The following EHMT1 variants were observed in gnomAD, a reference collection of about 807,000 sequenced individuals.
EHMT1 encodes the protein histone-lysine N-methyltransferase EHMT1.
Under a neutral mutation model 147.2 loss-of-function variants are expected in EHMT1, and 15 were observed. The ratio of observed to expected loss-of-function variants is 0.10; its 90% CI spans 0.07 to 0.16. EHMT1 has a LOEUF of 0.16. Among genes scored for constraint, EHMT1 ranks in the 10% least tolerant of loss-of-function variants. EHMT1 has a pLI of 1.00. For synonymous variants in EHMT1, 795 were observed against 709.6 expected, an observed-to-expected ratio of 1.12 and a Z score of -1.91; for missense variants, 1,587 against 1,772.4, an observed-to-expected ratio of 0.90 and a Z score of 1.88.
At chr9:137,674,964 G>A (rs988570174) in intron 1 of EHMT1, 3 of 152,162 alleles carry the variant, frequency 2.0e-5, no homozygotes, top group Non-Finnish European at 2.9e-5. Flanking sequence ...TTCTGTAAAG[G>A]ACCAGGTATG....
chr9:137,725,748 A>G lies in EHMT1; in HGVS notation c.643-2601A>G, dbSNP rs545460840. Among the ~76,000 whole-genome samples, 44 of 152,214 alleles carry G rather than the reference A, an allele frequency of 2.9e-4. No homozygotes were observed. The South Asian group carries it at 5.4e-3, about 19-fold the overall frequency. ...GAGGGAGGGAAACAGACACAGACAG[A>G]GTGCGCCTGTGAGACAGAGAGAGGT... is the stretch of plus-strand genomic sequence containing the variant. On this transcript the variant is annotated intron_variant, in intron 3 of 26. Transcript: ENST00000460843.
At chr9:137,722,556 G>A (rs996456146) in intron 3 of EHMT1, among the ~76,000 whole-genome samples, 2 of 152,218 alleles carry the variant, frequency 1.3e-5, no homozygotes, top group Non-Finnish European at 2.9e-5. Flanking sequence ...TGTGTGTGTG[G>A]GCCCCACGGA....
intron 10 of EHMT1, chr9:137,763,276 T>G: frequency 3.5e-6 from 1 of 285,278 alleles, no homozygotes; most frequent in Non-Finnish European, 6.7e-6. Context: ...GTTCAGCACG[T>G]CCCGTCTCTG....
chr9:137,659,461 A>C (rs1257947140), intron 1 of EHMT1, among the ~76,000 whole-genome samples: 2 of 151,626 alleles, frequency 1.3e-5, no homozygotes, highest in Non-Finnish European at 2.9e-5. Flanking sequence ...CCCAGGCTGG[A>C]CTTGAACTCT....
intron 3 of EHMT1, 82 bp from the exon 4 acceptor site, chr9:137,728,264 GAGA>G: frequency 1.3e-6 from 2 of 1,566,480 alleles, no homozygotes; most frequent in African/African-American, 1.3e-5. Context: ...AATTATCGGG[GAGA>G]AGAACTGTGA....
chr9:137,797,496 G>A (rs1404332931), intron 16 of EHMT1, among the ~76,000 whole-genome samples: 1 of 152,162 alleles, frequency 6.6e-6, no homozygotes, highest in Non-Finnish European at 1.5e-5. Flanking sequence ...ACCTGCTTCT[G>A]TCCTGAATTC....
chr9:137,733,250 T>C (rs896872662), intron 4 of EHMT1, among the ~76,000 whole-genome samples: 6 of 152,268 alleles, frequency 3.9e-5, no homozygotes, highest in African/African-American at 9.6e-5. Flanking sequence ...AGCATTGTTT[T>C]AGGTGAGCAT....
At chr9:137,718,145 C>T (rs750602648) in intron 3 of EHMT1, among the ~76,000 whole-genome samples, 6 of 151,320 alleles carry the variant, frequency 4.0e-5, no homozygotes, top group Non-Finnish European at 7.4e-5. Flanking sequence ...GCGCCTGCCC[C>T]TCACACGCAC....
chr9:137,818,417 A>G (rs1454538072), intron 25 of EHMT1, among the ~76,000 whole-genome samples: 3 of 152,144 alleles, frequency 2.0e-5, no homozygotes, highest in African/African-American at 4.8e-5. Flanking sequence ...CAGTCCTCCA[A>G]ACCACAACTG....
intron 1 of EHMT1, among the ~76,000 whole-genome samples, chr9:137,683,291 A>G (rs778420552): frequency 2.6e-5 from 4 of 152,358 alleles, no homozygotes; most frequent in South Asian, 2.1e-4. Flanking sequence ...CGGATCTGCT[A>G]TTTGGTGCTA....
chr9:137,784,210 ATGCTCCAGCACAGCC>A, intron 15 of EHMT1: 1 of 1,549,738 alleles, frequency 6.5e-7, no homozygotes, highest in South Asian at 1.2e-5. Context: ...CAAGAGGAAG[ATGCTCCAGCACAGCC>A]TTGCTGTGGA....
chr9:137,716,888 G>A lies in EHMT1; in HGVS notation c.348G>A (p.Gln116=). The A allele has an allele frequency of 6.2e-7, 1 of 1,613,222 alleles. No individual in the cohort carries two copies. The highest frequency in any genetic ancestry group is 8.5e-7 in the Non-Finnish European group (1 of 1,179,898). Residue 116 remains glutamine, a synonymous_variant, in exon 3 of 27, where the codon CAG becomes CAA. Transcript: ENST00000460843. Reference sequence around the variant, plus strand: ...ACGTCACTGCCGACGACTTTGTGCAGACTTCTGTCATCGGCAGCAACGGAT... The same window carrying A: ...ACGTCACTGCCGACGACTTTGTGCAAACTTCTGTCATCGGCAGCAACGGAT... ...QNHVTADDFV[Q]TSVIGSNGYI...
intron 16 of EHMT1, among the ~76,000 whole-genome samples, chr9:137,791,425 A>T (rs1297702828): frequency 2.0e-5 from 3 of 152,236 alleles, no homozygotes; most frequent in African/African-American, 7.2e-5. Flanking sequence ...AGGATAAAAA[A>T]TTAACACAAA....
intron 18 of EHMT1, among the ~76,000 whole-genome samples, chr9:137,810,004 C>T (rs1245640573): frequency 9.3e-6 from 1 of 107,894 alleles, no homozygotes; most frequent in Non-Finnish European, 1.7e-5. Flanking sequence ...GATGCTGCCC[C>T]TCGTGGACTG....
At chr9:137,808,538 G>C (rs1159411271) in intron 18 of EHMT1, among the ~76,000 whole-genome samples, 1 of 152,166 alleles carries the variant, frequency 6.6e-6, no homozygotes, top group Non-Finnish European at 1.5e-5. Flanking sequence ...TGTTTCAGGA[G>C]TGCGGTTGCT....
chr9:137,733,606 C>G (rs1431805919), intron 4 of EHMT1, among the ~76,000 whole-genome samples: 1 of 152,232 alleles, frequency 6.6e-6, no homozygotes, highest in Non-Finnish European at 1.5e-5. Flanking sequence ...GTTCCTGGAA[C>G]AGTGTGCGTG....
chr9:137,832,166 C>G (rs1410041804), intron 25 of EHMT1, among the ~76,000 whole-genome samples: 1 of 150,438 alleles, frequency 6.6e-6, no homozygotes, highest in Non-Finnish European at 1.5e-5. Flanking sequence ...TGCCTTCCCT[C>G]CAGTCCTAGG....
intron 1 of EHMT1, among the ~76,000 whole-genome samples, chr9:137,674,583 G>A (rs568804522): frequency 2.6e-5 from 4 of 152,308 alleles, no homozygotes; most frequent in Admixed American, 6.5e-5. Flanking sequence ...GTCTGCCTAC[G>A]ATTGCACGAC....
intron 1 of EHMT1, among the ~76,000 whole-genome samples, chr9:137,645,062 G>T (rs564511302): frequency 2.6e-5 from 4 of 152,062 alleles, no homozygotes; most frequent in African/African-American, 9.7e-5. Flanking sequence ...TAGTAGAGAC[G>T]GGGTTTCGCC....
Sources: allele counts gnomAD v4.1 joint callset (sites outside exome capture counted in the v4.1 genomes callset), GRCh38; gene constraint gnomAD v4.1.1; transcripts MANE v1.5; gene names NCBI Gene and HGNC (gene_info 2026-07-23, HGNC 2026-07-21).